The following MTUS2 variants were observed in gnomAD, a reference collection of about 807,000 sequenced individuals.
MTUS2 encodes the protein microtubule-associated tumor suppressor candidate 2.
Under a neutral mutation model 114.1 loss-of-function variants are expected in MTUS2, and 40 were observed. The ratio of observed to expected loss-of-function variants is 0.35; its 90% CI spans 0.27 to 0.46. The LOEUF (loss-of-function observed/expected upper bound fraction) is 0.46. MTUS2 is among the 20% of genes least tolerant of loss of function. The pLI is 1.00. For missense variants in MTUS2, 1,679 were observed against 1,705.4 expected (o/e 0.98, Z 0.27); for synonymous variants, 688 against 672.0 (o/e 1.02, Z -0.37).
chr13:29,115,965 A>G (rs1437520725), intron 5 of MTUS2, among the ~76,000 whole-genome samples: 2 of 152,220 alleles, frequency 1.3e-5, no homozygotes, highest in African/African-American at 2.4e-5. Context: ...AGAGCATGAT[A>G]TCAACTAGAC....
At chr13:28,845,585 T>G (rs572239841) in intron 2 of MTUS2, among the ~76,000 whole-genome samples, 1 of 152,170 alleles carries the variant, frequency 6.6e-6, no homozygotes, top group African/African-American at 2.4e-5. Context: ...TTATCCTTTA[T>G]GGTGTAATAC....
chr13:28,883,362 C>T (rs930060285), intron 2 of MTUS2, among the ~76,000 whole-genome samples: 1 of 152,100 alleles, frequency 6.6e-6, no homozygotes, highest in Non-Finnish European at 1.5e-5. Context: ...GTGTTCATAG[C>T]AGCTTTATTC....
intron 2 of MTUS2, among the ~76,000 whole-genome samples, chr13:28,998,706 G>A (rs1593369641): frequency 6.6e-6 from 1 of 152,104 alleles, no homozygotes; most frequent in South Asian, 2.1e-4. Context: ...TTGTGCATTT[G>A]TCACGTAGTT....
At chr13:28,993,249 C>T (rs779254227) in intron 2 of MTUS2, among the ~76,000 whole-genome samples, 5 of 152,090 alleles carry the variant, frequency 3.3e-5, no homozygotes, top group African/African-American at 4.8e-5. Context: ...TTTGTGTATA[C>T]CTAGAAGTGG....
intron 7 of MTUS2, among the ~76,000 whole-genome samples, chr13:29,327,155 G>A (rs1900556135): frequency 6.7e-6 from 1 of 149,230 alleles, no homozygotes; most frequent in African/African-American, 2.4e-5. Context: ...TAAGTAAAAG[G>A]ATGGAAAATT....
intron 5 of MTUS2, among the ~76,000 whole-genome samples, chr13:29,209,357 T>C (rs147704523): frequency 7.2e-4 from 110 of 152,316 alleles, no homozygotes; most frequent in Middle Eastern, 3.4e-3. Flanking sequence ...AGATACTCGG[T>C]TGGCGAATTC....
chr13:29,246,703 G>A (rs17073134), intron 5 of MTUS2, among the ~76,000 whole-genome samples: 10,552 of 152,140 alleles, frequency 0.069, 556 homozygotes, highest in East Asian at 0.22. Flanking sequence ...ATAGTGAGAG[G>A]TTTTTAGCCC....
intron 2 of MTUS2, among the ~76,000 whole-genome samples, chr13:29,002,206 G>A (rs1885415501): frequency 1.3e-5 from 2 of 152,312 alleles, no homozygotes; most frequent in South Asian, 4.1e-4. Context: ...TGGGGCTTAG[G>A]GAGAGCCTAC....
chr13:29,148,738 A>T (rs1892547062), intron 5 of MTUS2, among the ~76,000 whole-genome samples: 1 of 64,192 alleles, frequency 1.6e-5, no homozygotes, highest in African/African-American at 3.3e-5. Context: ...TCGGCCTCCC[A>T]AAGTGCTGGG....
intron 2 of MTUS2, among the ~76,000 whole-genome samples, chr13:29,009,751 A>AT (rs11345253): frequency 6.6e-6 from 1 of 151,634 alleles, no homozygotes; most frequent in South Asian, 2.1e-4. Flanking sequence ...TGTTTTCTTT[A>AT]TTTTTTTAGT....
chr13:29,302,622 G>T (rs1899255711), intron 6 of MTUS2, among the ~76,000 whole-genome samples: 1 of 152,228 alleles, frequency 6.6e-6, no homozygotes, highest in Non-Finnish European at 1.5e-5. Flanking sequence ...TAGAGTCCCA[G>T]TCAGCCCAGC....
rs1170734140 is a variant in MTUS2, at chr13:29,025,145, A to G, written c.447A>G (p.Lys149=). Residue 149 remains lysine (K), a synonymous_variant, in exon 3 of 16, where the codon AAA becomes AAG. Transcript: ENST00000612955. ...AGGCCAGTCTAGACGTTTTGGCTAA[A>G]AGGGATGCTGAAATTCCCCGGCATG... ...MSEASLDVLA[K]RDAEIPRHVP... is the part of the protein sequence containing the mutation. 9.9e-6 allele frequency: 16 copies of G among 1,613,842 alleles called. No individual in the cohort carries two copies. Among genetic ancestry groups the G allele is most frequent in the Non-Finnish European group, 1.3e-5 (15 of 1,179,892 alleles).
At chr13:28,998,571 T>C (rs567981821) in intron 2 of MTUS2, among the ~76,000 whole-genome samples, 32 of 152,376 alleles carry the variant, frequency 2.1e-4, no homozygotes, top group African/African-American at 7.5e-4. Flanking sequence ...CCCATATTTC[T>C]TGGAGGCTTT....
At chr13:29,064,597 A>G (rs764987837) in intron 4 of MTUS2, among the ~76,000 whole-genome samples, 1 of 152,110 alleles carries the variant, frequency 6.6e-6, no homozygotes, top group African/African-American at 2.4e-5. Context: ...AGATTTTTAT[A>G]ATGCTATATA....
At chr13:29,478,561 G>A (rs1458166694) in intron 9 of MTUS2, among the ~76,000 whole-genome samples, 1 of 152,150 alleles carries the variant, frequency 6.6e-6, no homozygotes, top group East Asian at 1.9e-4. Context: ...CTTTTTTGAG[G>A]AGGAGTCTTT....
At chr13:29,039,985 CAGT>C (rs1176211371) in intron 4 of MTUS2, among the ~76,000 whole-genome samples, 3 of 152,068 alleles carry the variant, frequency 2.0e-5, no homozygotes, top group Non-Finnish European at 4.4e-5. Context: ...AATATTATTT[CAGT>C]AGTTTTTGGG....
chr13:29,424,347 A>G (rs1363517081), intron 8 of MTUS2, among the ~76,000 whole-genome samples: 1 of 146,496 alleles, frequency 6.8e-6, no homozygotes, highest in East Asian at 2.4e-4. Flanking sequence ...AATATGTATC[A>G]ATTTAAAAAT....
At chr13:29,409,831 T>C (rs565449599) in intron 8 of MTUS2, among the ~76,000 whole-genome samples, 4 of 151,800 alleles carry the variant, frequency 2.6e-5, no homozygotes, top group African/African-American at 9.7e-5. Flanking sequence ...TAGTACTCCA[T>C]TGAGTGACTA....
chr13:28,991,298 C>T (rs796356803), intron 2 of MTUS2, among the ~76,000 whole-genome samples: 52 of 152,070 alleles, frequency 3.4e-4, no homozygotes, highest in African/African-American at 1.2e-3. Flanking sequence ...CTTCCCTGTC[C>T]AGCTGTTTTC....
Sources: allele counts gnomAD v4.1 joint callset (sites outside exome capture counted in the v4.1 genomes callset), GRCh38; gene constraint gnomAD v4.1.1; transcripts MANE v1.5; gene names NCBI Gene and HGNC (gene_info 2026-07-23, HGNC 2026-07-21).